Variants in AMZ1 observed in about 807,000 individuals in gnomAD.
AMZ1 encodes archaelysin family metallopeptidase 1.
Under a neutral mutation model 29.9 loss-of-function variants are expected in AMZ1, and 39 were observed. That is an observed-to-expected ratio of 1.30 (90% CI 1.01 to 1.70). The LOEUF is 1.70. Ranked by LOEUF, AMZ1 falls within the 40% of genes most tolerant of loss-of-function variation. The probability of loss-of-function intolerance (pLI) is 0.00; values close to 1 mark genes in which losing one functional copy is unlikely to be tolerated. For synonymous variants in AMZ1, 458 were observed against 304.0 expected, an observed-to-expected ratio of 1.51 and a Z score of -5.27; for missense variants, 1,041 against 680.6, an observed-to-expected ratio of 1.53 and a Z score of -5.89.
At position 2,700,371 on chromosome 7, in the gene AMZ1, G is replaced by A. The variant is rs1201133714; in HGVS notation, c.-81G>A. ...CGGATCAGCCCGAGGGAAGATTCTGGACGAGACCGTGGCCGTCCCCCGGGT... is the reference window on the plus strand; with the variant it reads ...CGGATCAGCCCGAGGGAAGATTCTGAACGAGACCGTGGCCGTCCCCCGGGT... On this transcript the variant is annotated 5_prime_UTR_variant, in exon 2 of 7. It introduces an in-frame stop codon into an upstream open reading frame of the 5' UTR. Transcript: ENST00000683327. The A allele has an allele frequency of 4.7e-6, 7 of 1,497,004 alleles. No homozygotes were observed. Among genetic ancestry groups the A allele is most frequent in the Non-Finnish European group, 5.4e-6 (6 of 1,117,384 alleles). The allele number at this position is 1,497,004 out of a possible 1,614,324, so 92.7% of individuals were successfully genotyped here.
chr7:2,721,442 G>C (rs145431874), downstream of AMZ1, among the ~76,000 whole-genome samples: 84 of 152,316 alleles, frequency 5.5e-4, 2 homozygotes, highest in African/African-American at 1.8e-3. Flanking sequence ...TAGGTGGGCT[G>C]GGCGCAGTGG....
rs919236839 is a variant in AMZ1, at chr7:2,718,436, C to T, written c.*5558C>T. 1.3e-5 allele frequency among the ~76,000 whole-genome samples: 2 copies of T among 152,202 alleles called. No homozygotes were observed. The highest frequency in any genetic ancestry group is 2.4e-5 in the African/African-American group (1 of 41,452). The stretch of plus-strand genomic sequence containing the variant: ...CTCACCGCGCTTTGTGAGTCTGTCT[C>T]GTGGGCCTCCTTCAGTGGTCTGTGA... On this transcript the variant is annotated 3_prime_UTR_variant, in exon 7 of 7. Coordinates refer to ENST00000683327, the MANE Select transcript of AMZ1 (RefSeq NM_001384743.1).
chr7:2,702,588 G>A (rs34150094), intron 2 of AMZ1, 134 bp from the exon 3 acceptor site: 8 of 1,002,744 alleles, frequency 8.0e-6, no homozygotes, highest in African/African-American at 5.0e-5. Flanking sequence ...TAAGCCTGAC[G>A]CTCTGCTTGC....
At chr7:2,763,535 C>CA (rs1173098828), upstream of AMZ1, among the ~76,000 whole-genome samples, 1 of 152,228 alleles carries the variant, frequency 6.6e-6, no homozygotes, top group East Asian at 1.9e-4. Context: ...ATGTCCCAAG[C>CA]AGTGTCTCAA....
At chr7:2,737,283 T>TTTG (rs1790249767) in intron 4 of AMZ1, among the ~76,000 whole-genome samples, 1 of 61,100 alleles carries the variant, frequency 1.6e-5, no homozygotes, top group African/African-American at 6.7e-5. Flanking sequence ...TGTTTTTTTT[T>TTTG]TTTTTGTTTT....
At chr7:2,681,939 T>C (rs543499985) in intron 1 of AMZ1, among the ~76,000 whole-genome samples, 128 of 5,548 alleles carry the variant, frequency 0.023, no homozygotes, top group African/African-American at 0.099. Flanking sequence ...CCAGCCTTGC[T>C]GAGCCCATGG....
At chr7:2,702,696 G>A (rs1255683012) in intron 2 of AMZ1, 26 bp from the exon 3 acceptor site, 1 of 1,511,530 alleles carries the variant, frequency 6.6e-7, no homozygotes. Flanking sequence ...GGCGTCGCAG[G>A]GCTGACGGTG....
At chr7:2,763,281 G>A (rs1042472951), upstream of AMZ1, 37 of 230,240 alleles carry the variant, frequency 1.6e-4, 1 homozygote, top group African/African-American at 8.5e-4. Context: ...GCCCGTGGGA[G>A]GAGTGCTGTG....
rs190987376 is a variant in AMZ1 at position 2,727,627 on chromosome 7, A to C, written n.550+17811A>C. Among the ~76,000 whole-genome samples the C allele has an allele frequency of 3.8e-3, 578 of 152,296 alleles. 4 individuals carry two copies. The highest frequency in any genetic ancestry group is 6.0e-3 in the Non-Finnish European group (406 of 68,026). ...AGCAATTCTCCCACCTTGGCCTCCC[A>C]AAGTGCTGGGATTATAGGTGTGAGC... is the stretch of plus-strand genomic sequence containing the variant. On this transcript the variant is annotated intron_variant and non_coding_transcript_variant, in intron 4 of 4. Transcript: ENST00000489665.
chr7:2,741,208 C>G (rs547732171), intron 4 of AMZ1, among the ~76,000 whole-genome samples: 2 of 152,158 alleles, frequency 1.3e-5, no homozygotes, highest in African/African-American at 2.4e-5. Context: ...AGCACCTAGA[C>G]TAGGTGTGGC....
chr7:2,751,573 T>G (rs574864115), intron 4 of AMZ1, among the ~76,000 whole-genome samples: 2 of 151,962 alleles, frequency 1.3e-5, no homozygotes, highest in Non-Finnish European at 2.9e-5. Context: ...ATAGAAACAA[T>G]TAACAAGGCC....
chr7:2,683,268 G>A (rs1436927461), upstream of AMZ1, among the ~76,000 whole-genome samples: 1 of 152,166 alleles, frequency 6.6e-6, no homozygotes, highest in Non-Finnish European at 1.5e-5. Flanking sequence ...AGTCAAGGCT[G>A]GGGCAGGGCC....
Position 2,741,785 on chromosome 7 carries a change from GC to G in AMZ1, n.551-22926del, listed in dbSNP as rs1038099216. Among the ~76,000 whole-genome samples the G allele has an allele frequency of 2.2e-4, 34 of 151,384 alleles. 1 individual carries two copies. Among genetic ancestry groups the G allele is most frequent in the Admixed American group, 2.6e-4 (4 of 15,114 alleles). On this transcript the variant is annotated intron_variant and non_coding_transcript_variant, in intron 4 of 4. Transcript: ENST00000489665. ...GTATGTCCTAAGAATGAGGACACCT[GC>G]TTCTACAACCACGGCAACTTCAGGT...
chr7:2,725,627 C>G (rs144215025), intron 4 of AMZ1, among the ~76,000 whole-genome samples: 2 of 152,334 alleles, frequency 1.3e-5, no homozygotes, highest in African/African-American at 4.8e-5. Context: ...GACCTGGAGG[C>G]AGGAGCAGCA....
chr7:2,722,196 C>T (rs1376476766), downstream of AMZ1, among the ~76,000 whole-genome samples: 1 of 152,172 alleles, frequency 6.6e-6, no homozygotes, highest in Non-Finnish European at 1.5e-5. Flanking sequence ...CCAAGCTTAC[C>T]ACACTGAATT....
chr7:2,708,390 C>T (rs1343721175), intron 3 of AMZ1, among the ~76,000 whole-genome samples, 198 bp from the exon 4 acceptor site: 1 of 152,166 alleles, frequency 6.6e-6, no homozygotes, highest in Non-Finnish European at 1.5e-5. Flanking sequence ...GTCCTGATCT[C>T]CAAATGGCCC....
chr7:2,683,339 C>G (rs1786953333), upstream of AMZ1, among the ~76,000 whole-genome samples: 1 of 152,186 alleles, frequency 6.6e-6, no homozygotes, highest in African/African-American at 2.4e-5. Context: ...TCTGGGGGCT[C>G]CAGGTGTCCT....
In AMZ1 at chr7:2,716,692, G is replaced by C. The variant is rs1789141536; in HGVS notation, c.*3814G>C. Among the ~76,000 whole-genome samples the C allele has an allele frequency of 6.6e-6, 1 of 152,220 alleles. No homozygotes were observed. Among genetic ancestry groups the C allele is most frequent in the South Asian group, 2.1e-4 (1 of 4,834 alleles). On this transcript the variant is annotated 3_prime_UTR_variant, in exon 7 of 7. Transcript: ENST00000683327. ...CAGGGACGGCCAGGCCTCGGAGAGA[G>C]GGACCGGCTGCCCTGCCCAAGGCCC...
chr7:2,741,612 A>G (rs1790508080), intron 4 of AMZ1, among the ~76,000 whole-genome samples: 1 of 152,118 alleles, frequency 6.6e-6, no homozygotes, highest in Non-Finnish European at 1.5e-5. Flanking sequence ...AGAATAGTAC[A>G]AAGAGCTCAT....
Sources: gnomAD v4.1 joint callset for allele counts (sites outside exome capture counted in the v4.1 genomes callset) on GRCh38, gnomAD v4.1.1 for gene constraint, MANE v1.5 for transcripts, NCBI Gene and HGNC (gene_info 2026-07-23, HGNC 2026-07-21) for gene names.